The following CHN2 variants were observed in gnomAD, a reference collection of about 807,000 sequenced individuals.
CHN2 encodes chimerin 2.
Under a neutral mutation model 56.3 loss-of-function variants are expected in CHN2, and 35 were observed. The observed-to-expected ratio is 0.62, with a 90% CI of 0.47 to 0.82. The LOEUF (loss-of-function observed/expected upper bound fraction) is 0.82, where lower values mean the gene tolerates loss of function less well. Among genes scored for constraint, CHN2 ranks in the 40% least tolerant of loss-of-function variants. The pLI is 0.00. For missense variants in CHN2, 491 were observed against 580.5 expected (o/e 0.85, Z 1.58); for synonymous variants, 210 against 212.8 (o/e 0.99, Z 0.12).
chr7:29,400,902 C>G, intron 6 of CHN2, 74 bp downstream of exon 6: 1 of 1,460,972 alleles, frequency 6.8e-7, no homozygotes, highest in Non-Finnish European at 9.3e-7. Context: ...ACTATAGGTG[C>G]GATTTGCTGA....
At chr7:29,431,578 C>T (rs1163726932) in intron 6 of CHN2, among the ~76,000 whole-genome samples, 1 of 152,212 alleles carries the variant, frequency 6.6e-6, no homozygotes, top group Admixed American at 6.5e-5. Flanking sequence ...GTCCACTAGA[C>T]CCCTCTGACT....
chr7:29,181,805 A>G (rs1043822175), intron 2 of CHN2, among the ~76,000 whole-genome samples: 1 of 152,194 alleles, frequency 6.6e-6, no homozygotes, highest in African/African-American at 2.4e-5. Context: ...ATGAATGTTC[A>G]TATTGCTATG....
At chr7:29,448,091 T>C (rs1784153908) in intron 6 of CHN2, among the ~76,000 whole-genome samples, 1 of 152,194 alleles carries the variant, frequency 6.6e-6, no homozygotes, top group African/African-American at 2.4e-5. Flanking sequence ...ATGACCTTTA[T>C]TCTGACTAAG....
At chr7:29,488,260 G>A (rs577854826) in intron 7 of CHN2, among the ~76,000 whole-genome samples, 16 of 152,312 alleles carry the variant, frequency 1.1e-4, no homozygotes, top group Non-Finnish European at 4.4e-5. Context: ...ATCTGGTCTT[G>A]CAAAAGGGGA....
At chr7:29,284,398 G>A (rs956523147) in intron 1 of CHN2, among the ~76,000 whole-genome samples, 8 of 152,098 alleles carry the variant, frequency 5.3e-5, no homozygotes, top group Non-Finnish European at 8.8e-5. Context: ...TTTGGCCTAG[G>A]CAAGCTCTTT....
intron 1 of CHN2, among the ~76,000 whole-genome samples, chr7:29,315,119 G>T (rs542148106): frequency 1.3e-5 from 2 of 152,052 alleles, no homozygotes; most frequent in African/African-American, 4.8e-5. Flanking sequence ...GAAACAAAGC[G>T]ATGTATTTAT....
chr7:29,390,275 T>C (rs928254034), intron 3 of CHN2, among the ~76,000 whole-genome samples: 18 of 152,138 alleles, frequency 1.2e-4, no homozygotes, highest in Non-Finnish European at 2.1e-4. Flanking sequence ...CACGACTACA[T>C]ATTTTCTTTC....
chr7:29,437,352 A>C (rs1783304581), intron 6 of CHN2, among the ~76,000 whole-genome samples: 1 of 84,728 alleles, frequency 1.2e-5, no homozygotes, highest in Admixed American at 1.0e-4. Context: ...TAATCCCAGC[A>C]CTTTGGGAGG....
intron 2 of CHN2, among the ~76,000 whole-genome samples, chr7:29,366,255 G>T (rs1165288695): frequency 6.6e-6 from 1 of 152,082 alleles, no homozygotes; most frequent in East Asian, 1.9e-4. Context: ...GATAAATGAA[G>T]CGTTAGGGGT....
chr7:29,433,036 T>TG (rs1782962127), intron 6 of CHN2, among the ~76,000 whole-genome samples: 1 of 152,240 alleles, frequency 6.6e-6, no homozygotes, highest in South Asian at 2.1e-4. Context: ...AGTTTTTCCA[T>TG]CAGAGGGATC....
At chr7:29,382,858 C>T (rs1014408594) in intron 3 of CHN2, among the ~76,000 whole-genome samples, 2 of 152,150 alleles carry the variant, frequency 1.3e-5, no homozygotes, top group Non-Finnish European at 2.9e-5. Context: ...GACATAACCC[C>T]ACCAAATAAT....
At chr7:29,167,283 C>T (rs1796039853) in intron 2 of CHN2, among the ~76,000 whole-genome samples, 1 of 152,048 alleles carries the variant, frequency 6.6e-6, no homozygotes, top group African/African-American at 2.4e-5. Context: ...TCTAGGCTTA[C>T]TTTTTTCATT....
At chr7:29,351,162 A>T (rs1333635668) in intron 1 of CHN2, among the ~76,000 whole-genome samples, 1 of 149,960 alleles carries the variant, frequency 6.7e-6, no homozygotes, top group East Asian at 2.0e-4. Flanking sequence ...ATAGATTATG[A>T]GATAGGTACT....
At chr7:29,163,160 T>A (rs1303727576) in intron 2 of CHN2, among the ~76,000 whole-genome samples, 1 of 152,150 alleles carries the variant, frequency 6.6e-6, no homozygotes, top group Non-Finnish European at 1.5e-5. Context: ...GATACTCAAT[T>A]CTATTATGGG....
intron 3 of CHN2, among the ~76,000 whole-genome samples, chr7:29,369,982 G>A (rs1391590660): frequency 1.3e-5 from 2 of 152,100 alleles, no homozygotes; most frequent in East Asian, 1.9e-4. Flanking sequence ...GAAACCTAAC[G>A]TGAAATGGAG....
intron 1 of CHN2, among the ~76,000 whole-genome samples, chr7:29,276,048 C>T (rs39105): frequency 0.32 from 48,772 of 151,394 alleles, 8,458 homozygotes; most frequent in East Asian, 0.42. Context: ...TCCCCCGAAT[C>T]TAAAACTTAA....
chr7:29,388,318 A>G (rs1415912032), intron 3 of CHN2, among the ~76,000 whole-genome samples: 1 of 152,212 alleles, frequency 6.6e-6, no homozygotes, highest in Non-Finnish European at 1.5e-5. Flanking sequence ...AAATATGGTG[A>G]GATAAGTTTT....
chr7:29,385,297 T>G (rs910758307), intron 3 of CHN2, among the ~76,000 whole-genome samples: 2 of 152,230 alleles, frequency 1.3e-5, no homozygotes, highest in Admixed American at 1.3e-4. Flanking sequence ...GTTTCTAATA[T>G]TCTTCCTTGG....
intron 1 of CHN2, among the ~76,000 whole-genome samples, chr7:29,348,175 A>G (rs996878467): frequency 6.6e-6 from 1 of 152,186 alleles, no homozygotes. Flanking sequence ...CCTATTCCCT[A>G]TTGCCCCGAT....
Sources: gnomAD v4.1 joint callset for allele counts (sites outside exome capture counted in the v4.1 genomes callset) on GRCh38, gnomAD v4.1.1 for gene constraint, MANE v1.5 for transcripts, NCBI Gene and HGNC (gene_info 2026-07-23, HGNC 2026-07-21) for gene names.